ASTN2: variants seen among roughly 807,000 people sequenced by gnomAD.
The protein encoded by ASTN2 is astrotactin-2.
In ASTN2, 54 loss-of-function variants were observed where a neutral mutation model predicts 139.8. The ratio of observed to expected loss-of-function variants is 0.39; its 90% CI spans 0.31 to 0.48. ASTN2 has a LOEUF of 0.48. ASTN2 is among the 20% of genes least tolerant of loss of function. The pLI, the probability that ASTN2 is intolerant of heterozygous loss-of-function variation, is 0.95. For missense variants in ASTN2, 1,565 were observed against 1,725.1 expected, an observed-to-expected ratio of 0.91 and a Z score of 1.64; for synonymous variants, 756 against 719.5, an observed-to-expected ratio of 1.05 and a Z score of -0.81.
chr9:117,348,594 T>A (rs1829295529), intron 1 of ASTN2, among the ~76,000 whole-genome samples: 1 of 152,190 alleles, frequency 6.6e-6, no homozygotes, highest in Admixed American at 6.5e-5. Flanking sequence ...TTCTGTATCC[T>A]TAACATGTGT....
At chr9:117,354,690 C>T (rs1587975610) in intron 1 of ASTN2, among the ~76,000 whole-genome samples, 1 of 151,762 alleles carries the variant, frequency 6.6e-6, no homozygotes, top group East Asian at 1.9e-4. Context: ...GACTCCATCC[C>T]TCCTCCTTCC....
chr9:117,391,446 G>T (rs1053031052), intron 1 of ASTN2, among the ~76,000 whole-genome samples: 1 of 152,174 alleles, frequency 6.6e-6, no homozygotes, highest in African/African-American at 2.4e-5. Flanking sequence ...AACAGCTTGT[G>T]CAGAGAAACT....
rs148724828 is a variant in ASTN2 at position 116,933,979 on chromosome 9, CTTTTTTT to C, written c.1889+41222_1889+41228del. On this transcript the variant is annotated intron_variant, in intron 10 of 22. Transcript: ENST00000313400. Reference sequence around the variant, plus strand: ...ACCTCAGTTGTGCGAAGTGTTAGTCCTTTTTTTTTTTTTTTTTTTTTTTCTGGATCAA... The same window carrying C: ...ACCTCAGTTGTGCGAAGTGTTAGTCCTTTTTTTTTTTTTTTTCTGGATCAA... Among the ~76,000 whole-genome samples the C allele has an allele frequency of 2.0e-3, 177 of 86,840 alleles. 2 individuals are homozygous for C. The highest frequency in any genetic ancestry group is 2.1e-3 in the African/African-American group (44 of 21,162). The allele number at this position is 86,840 out of a possible 152,430, so 57.0% of individuals were successfully genotyped here.
intron 12 of ASTN2, among the ~76,000 whole-genome samples, chr9:116,815,220 A>C (rs1184644216): frequency 6.6e-6 from 1 of 152,218 alleles, no homozygotes; most frequent in African/African-American, 2.4e-5. Flanking sequence ...AGCTTTGACA[A>C]TGAAAATACG....
intron 19 of ASTN2, among the ~76,000 whole-genome samples, chr9:116,507,157 C>A (rs138996761): frequency 1.3e-5 from 2 of 152,080 alleles, no homozygotes; most frequent in Non-Finnish European, 2.9e-5. Context: ...GAAATGGAGA[C>A]GCAACATCAG....
At chr9:116,716,181 C>T (rs1193648033) in intron 16 of ASTN2, among the ~76,000 whole-genome samples, 2 of 152,110 alleles carry the variant, frequency 1.3e-5, no homozygotes, top group Non-Finnish European at 2.9e-5. Flanking sequence ...GATTTTGCAC[C>T]TGTTTGAATC....
chr9:117,078,304 T>G (rs1828333598), intron 5 of ASTN2, among the ~76,000 whole-genome samples: 1 of 152,170 alleles, frequency 6.6e-6, no homozygotes. Flanking sequence ...CCCATTATGT[T>G]TTCTCCCTGT....
chr9:117,194,112 G>A (rs1158662346), intron 3 of ASTN2, among the ~76,000 whole-genome samples: 2 of 152,180 alleles, frequency 1.3e-5, no homozygotes, highest in African/African-American at 4.8e-5. Flanking sequence ...GGCCTATAGG[G>A]TTGGGTAAAA....
intron 10 of ASTN2, among the ~76,000 whole-genome samples, chr9:116,923,166 C>T (rs1307417689): frequency 6.6e-6 from 1 of 152,162 alleles, no homozygotes; most frequent in Non-Finnish European, 1.5e-5. Flanking sequence ...CAATTCTAAC[C>T]AAAATTTTAT....
chr9:116,580,991 G>A (rs1853926057), intron 19 of ASTN2, among the ~76,000 whole-genome samples: 1 of 152,126 alleles, frequency 6.6e-6, no homozygotes, highest in South Asian at 2.1e-4. Context: ...TCTGGGAGTG[G>A]AGCAATTACA....
chr9:117,215,140 T>A (rs1832272239), intron 2 of ASTN2, among the ~76,000 whole-genome samples: 1 of 152,144 alleles, frequency 6.6e-6, no homozygotes, highest in Non-Finnish European at 1.5e-5. Flanking sequence ...GAATCTAGAC[T>A]CCATCTCCCA....
At chr9:116,815,201 C>T (rs778195817) in intron 12 of ASTN2, among the ~76,000 whole-genome samples, 2 of 152,146 alleles carry the variant, frequency 1.3e-5, no homozygotes, top group Non-Finnish European at 2.9e-5. Context: ...TACTGTTAGA[C>T]TAGACTTCAG....
At chr9:117,201,100 TTGTAGGG>T (rs1831701847) in intron 3 of ASTN2, among the ~76,000 whole-genome samples, 1 of 151,368 alleles carries the variant, frequency 6.6e-6, no homozygotes, top group South Asian at 2.1e-4. Flanking sequence ...GGTATAGTCT[TTGTAGGG>T]TGTATGCATC....
chr9:116,565,199 C>A (rs1853119463), intron 19 of ASTN2, among the ~76,000 whole-genome samples: 1 of 135,442 alleles, frequency 7.4e-6, no homozygotes, highest in Non-Finnish European at 1.5e-5. Flanking sequence ...ATGAAAAAAT[C>A]CTTAGGCTTG....
intron 17 of ASTN2, among the ~76,000 whole-genome samples, chr9:116,621,441 G>GCACACA (rs10547546): frequency 1.3e-4 from 19 of 148,050 alleles, no homozygotes; most frequent in African/African-American, 4.0e-4. Flanking sequence ...ACACATGCAC[G>GCACACA]CACACACACA....
At chr9:116,522,525 G>C (rs1195106146) in intron 19 of ASTN2, among the ~76,000 whole-genome samples, 2 of 152,044 alleles carry the variant, frequency 1.3e-5, no homozygotes, top group African/African-American at 4.8e-5. Flanking sequence ...AAAGGGTGAG[G>C]GGTGGCGAGG....
intron 2 of ASTN2, among the ~76,000 whole-genome samples, chr9:117,279,925 T>C (rs1319378141): frequency 6.6e-6 from 1 of 152,224 alleles, no homozygotes; most frequent in Non-Finnish European, 1.5e-5. Flanking sequence ...TCCATGTGTC[T>C]CTCATAAGGA....
chr9:116,705,153 G>C (rs113607747), intron 16 of ASTN2, among the ~76,000 whole-genome samples: 2,600 of 152,208 alleles, frequency 0.017, 84 homozygotes, highest in African/African-American at 0.06. Flanking sequence ...TCAATTATTA[G>C]CTCTATGACC....
chr9:117,026,161 G>T (rs1452824432), intron 6 of ASTN2, among the ~76,000 whole-genome samples: 2 of 151,560 alleles, frequency 1.3e-5, no homozygotes, highest in African/African-American at 2.4e-5. Flanking sequence ...CTGATCTTTG[G>T]TCTCACATCG....
Sources: gnomAD v4.1 joint callset for allele counts (sites outside exome capture counted in the v4.1 genomes callset) on GRCh38, gnomAD v4.1.1 for gene constraint, MANE v1.5 for transcripts, NCBI Gene and HGNC (gene_info 2026-07-23, HGNC 2026-07-21) for gene names.